Variants in ROBO2 observed in about 807,000 individuals in gnomAD.
ROBO2 encodes the protein roundabout homolog 2.
ROBO2 carries 53 observed loss-of-function variants against 160.8 expected under a neutral mutation model. The observed-to-expected ratio is 0.33, with a 90% CI of 0.26 to 0.41. The LOEUF is 0.41. Ranked by LOEUF, ROBO2 falls within the 10% of genes least tolerant of loss-of-function variation. The pLI, the probability that ROBO2 is intolerant of heterozygous loss-of-function variation, is 1.00. For synonymous variants in ROBO2, 664 were observed against 611.7 expected (o/e 1.09, Z -1.26); for missense variants, 1,577 against 1,722.4 (o/e 0.92, Z 1.49).
At chr3:76,664,245 G>A (rs189148682) in intron 2 of ROBO2, among the ~76,000 whole-genome samples, 3 of 152,252 alleles carry the variant, frequency 2.0e-5, no homozygotes, top group Admixed American at 6.5e-5. Context: ...TCTGATGTTG[G>A]GTAGTGACCA....
chr3:76,330,007 A>G (rs1172937150), intron 2 of ROBO2, among the ~76,000 whole-genome samples: 1 of 152,108 alleles, frequency 6.6e-6, no homozygotes, highest in African/African-American at 2.4e-5. Flanking sequence ...GGAGTGTGAA[A>G]ACATAGTACT....
chr3:76,803,644 G>T (rs1473706596), intron 2 of ROBO2, among the ~76,000 whole-genome samples: 2 of 152,126 alleles, frequency 1.3e-5, no homozygotes, highest in South Asian at 2.1e-4. Context: ...TTTTATTCAG[G>T]ATTACTCACT....
intron 2 of ROBO2, among the ~76,000 whole-genome samples, chr3:77,394,455 A>G (rs9878586): frequency 0.24 from 37,227 of 152,082 alleles, 5,112 homozygotes; most frequent in Middle Eastern, 0.33. Flanking sequence ...ATTAAAAAAA[A>G]CTAATGAAAA....
chr3:76,466,864 G>A (rs952152956), intron 2 of ROBO2, among the ~76,000 whole-genome samples: 28 of 151,994 alleles, frequency 1.8e-4, no homozygotes, highest in African/African-American at 6.3e-4. Flanking sequence ...CATGATTCAC[G>A]ATCATGAAAT....
intron 2 of ROBO2, among the ~76,000 whole-genome samples, chr3:76,484,151 T>C (rs1162036125): frequency 6.6e-6 from 1 of 152,138 alleles, no homozygotes; most frequent in Non-Finnish European, 1.5e-5. Flanking sequence ...TCTGCTTACC[T>C]ATGTGATAAA....
At chr3:76,119,450 G>A (rs2070626658) in intron 2 of ROBO2, among the ~76,000 whole-genome samples, 1 of 151,906 alleles carries the variant, frequency 6.6e-6, no homozygotes, top group African/African-American at 2.4e-5. Context: ...TATCATGTCA[G>A]AATTACATTA....
chr3:76,127,727 A>G (rs1048487392), intron 2 of ROBO2, among the ~76,000 whole-genome samples: 1 of 152,144 alleles, frequency 6.6e-6, no homozygotes, highest in Admixed American at 6.5e-5. Context: ...AACTTCTTAT[A>G]GGTTATAACA....
intron 2 of ROBO2, among the ~76,000 whole-genome samples, chr3:77,134,880 T>C (rs1165428750): frequency 6.6e-6 from 1 of 152,212 alleles, no homozygotes; most frequent in African/African-American, 2.4e-5. Context: ...GAGAAATTGA[T>C]TTTCCTCTAC....
intron 1 of ROBO2, among the ~76,000 whole-genome samples, chr3:77,057,408 T>C (rs2065863490): frequency 6.6e-6 from 1 of 151,784 alleles, no homozygotes; most frequent in Non-Finnish European, 1.5e-5. Flanking sequence ...CATGTACACA[T>C]ATGTAACAAA....
At chr3:75,927,972 C>A (rs1337926772) in intron 1 of ROBO2, among the ~76,000 whole-genome samples, 2 of 75,570 alleles carry the variant, frequency 2.6e-5, no homozygotes, top group Non-Finnish European at 2.8e-5. Context: ...TAATGATTTT[C>A]TCTCTTTTTT....
intron 2 of ROBO2, among the ~76,000 whole-genome samples, chr3:77,208,418 G>A (rs181585700): frequency 8.9e-4 from 136 of 152,154 alleles, no homozygotes; most frequent in African/African-American, 3.1e-3. Flanking sequence ...AAAGGACATG[G>A]GGATTGAGTT....
At chr3:77,265,105 A>T (rs907546622) in intron 2 of ROBO2, among the ~76,000 whole-genome samples, 2 of 152,232 alleles carry the variant, frequency 1.3e-5, no homozygotes, top group South Asian at 4.1e-4. Context: ...ATTTCTTCTA[A>T]TGTGCTCCTC....
chr3:76,525,447 TAGGCTTAAAGGCAAGAACGTA>T (rs1476467671), intron 2 of ROBO2, among the ~76,000 whole-genome samples: 1 of 151,950 alleles, frequency 6.6e-6, no homozygotes, highest in Non-Finnish European at 1.5e-5. Context: ...TGGGTTACCT[TAGGCTTAAAGGCAAGAACGTA>T]AGCATTGTTT....
At chr3:76,270,003 T>C (rs537190383) in intron 2 of ROBO2, among the ~76,000 whole-genome samples, 44 of 152,134 alleles carry the variant, frequency 2.9e-4, no homozygotes, top group African/African-American at 8.4e-4. Flanking sequence ...TATAGTACAA[T>C]TGGAAAAGGC....
At chr3:76,231,332 A>T (rs1053339355) in intron 2 of ROBO2, among the ~76,000 whole-genome samples, 1 of 152,106 alleles carries the variant, frequency 6.6e-6, no homozygotes, top group Non-Finnish European at 1.5e-5. Flanking sequence ...TGCTTCTGTT[A>T]ATCTTTCCCT....
intron 2 of ROBO2, among the ~76,000 whole-genome samples, chr3:76,222,882 G>A (rs185951635): frequency 4.3e-4 from 65 of 152,010 alleles, no homozygotes; most frequent in Non-Finnish European, 8.8e-5. Flanking sequence ...AGCCTTCCGA[G>A]TAGCTGGGAC....
chr3:77,166,736 A>G (rs1458311682), intron 2 of ROBO2, among the ~76,000 whole-genome samples: 1 of 151,142 alleles, frequency 6.6e-6, no homozygotes, highest in South Asian at 2.1e-4. Context: ...TTTTTTTTGT[A>G]TTTTTAGTAG....
At chr3:77,343,084 G>GAGAGAGAGAGAGAGAGAA (rs35897096) in intron 2 of ROBO2, among the ~76,000 whole-genome samples, 6 of 146,282 alleles carry the variant, frequency 4.1e-5, no homozygotes, top group South Asian at 2.1e-4. Flanking sequence ...GAGAGAGAGA[G>GAGAGAGAGAGAGAGAGAA]AGAACTTTCT....
chr3:76,057,559 T>TA (rs1032536746), intron 2 of ROBO2, among the ~76,000 whole-genome samples: 1 of 152,186 alleles, frequency 6.6e-6, no homozygotes, highest in African/African-American at 2.4e-5. Flanking sequence ...CCCAACATAG[T>TA]AAGCTTCCAG....
Sources: allele counts gnomAD v4.1 joint callset (sites outside exome capture counted in the v4.1 genomes callset), GRCh38; gene constraint gnomAD v4.1.1; transcripts MANE v1.5; gene names NCBI Gene and HGNC (gene_info 2026-07-23, HGNC 2026-07-21).